The following EPB41L3 variants were observed in gnomAD, a reference collection of about 807,000 sequenced individuals.
EPB41L3 encodes the protein erythrocyte membrane protein band 4.1 like 3.
A neutral mutation model predicts 127.1 loss-of-function variants in EPB41L3; 57 were observed. That is an observed-to-expected ratio of 0.45 (90% CI 0.36 to 0.56). EPB41L3 has a LOEUF of 0.56. Among genes scored for constraint, EPB41L3 ranks in the 20% least tolerant of loss-of-function variants. The pLI, the probability that EPB41L3 is intolerant of heterozygous loss-of-function variation, is 0.00. For missense variants in EPB41L3, 1,273 were observed against 1,372.2 expected, an observed-to-expected ratio of 0.93 and a Z score of 1.14; for synonymous variants, 572 against 549.5, an observed-to-expected ratio of 1.04 and a Z score of -0.57.
intron 1 of EPB41L3, among the ~76,000 whole-genome samples, chr18:5,534,373 G>A (rs2093506601): frequency 1.3e-5 from 2 of 152,128 alleles, no homozygotes; most frequent in Non-Finnish European, 2.9e-5. Flanking sequence ...TCAAAATGTG[G>A]TCCTGGGACC....
intron 3 of EPB41L3, among the ~76,000 whole-genome samples, chr18:5,595,414 T>C (rs1290889164): frequency 6.6e-6 from 1 of 152,140 alleles, no homozygotes; most frequent in Non-Finnish European, 1.5e-5. Context: ...GAATACACTG[T>C]CTCCTGGACA....
At chr18:5,428,549 CAG>C in intron 8 of EPB41L3, 84 bp from the exon 9 acceptor site, 1 of 1,509,778 alleles carries the variant, frequency 6.6e-7, no homozygotes, top group East Asian at 2.3e-5. Context: ...GCATCCACGA[CAG>C]AAACTATAAA....
rs540857055 is a variant in EPB41L3 at position 5,557,950 on chromosome 18, T to G, written c.-306+54390A>C. Among the ~76,000 whole-genome samples the G allele has an allele frequency of 5.3e-5, 8 of 152,312 alleles. No homozygotes were observed. In the East Asian group the frequency reaches 1.2e-3, roughly 22 times the overall value. The stretch of plus-strand genomic sequence containing the variant: ...CTTTAGAATAGTTTAATGTACTAGT[T>G]TGGAAGGGACTTCAAAAAGTAGTTC... On this transcript the variant is annotated intron_variant, in intron 3 of 21. Coordinates refer to the EPB41L3 transcript ENST00000545076.
chr18:5,605,321 C>A (rs568128630), intron 3 of EPB41L3, among the ~76,000 whole-genome samples: 38 of 152,276 alleles, frequency 2.5e-4, no homozygotes, highest in African/African-American at 8.2e-4. Flanking sequence ...GACAGCCTAC[C>A]AAATTTCAAG....
chr18:5,475,582 G>A (rs916404287), intron 3 of EPB41L3, among the ~76,000 whole-genome samples: 24 of 152,188 alleles, frequency 1.6e-4, no homozygotes, highest in African/African-American at 5.8e-4. Flanking sequence ...GTTGGTTCAC[G>A]ATGAGTTTGT....
At chr18:5,403,404 C>T (rs987362906) in intron 16 of EPB41L3, among the ~76,000 whole-genome samples, 2 of 152,002 alleles carry the variant, frequency 1.3e-5, no homozygotes, top group African/African-American at 4.8e-5. Context: ...TCATTATTAG[C>T]TTGCTGTATA....
chr18:5,431,062 T>C (rs2078944057), intron 8 of EPB41L3: 1 of 152,204 alleles, frequency 6.6e-6, no homozygotes, highest in African/African-American at 2.4e-5. Context: ...CTGTGGTATA[T>C]CCTATATGGA....
At chr18:5,608,774 A>G (rs2094692542) in intron 3 of EPB41L3, among the ~76,000 whole-genome samples, 1 of 152,176 alleles carries the variant, frequency 6.6e-6, no homozygotes, top group African/African-American at 2.4e-5. Context: ...ACAGAAGAAA[A>G]CACACCATGT....
At chr18:5,561,460 T>C (rs1297222593) in intron 3 of EPB41L3, among the ~76,000 whole-genome samples, 1 of 152,016 alleles carries the variant, frequency 6.6e-6, no homozygotes, top group Non-Finnish European at 1.5e-5. Flanking sequence ...ATGAAGGTAT[T>C]GGATTATAAC....
At chr18:5,459,237 A>C (rs2147022263) in intron 3 of EPB41L3, among the ~76,000 whole-genome samples, 2 of 152,250 alleles carry the variant, frequency 1.3e-5, no homozygotes, top group Non-Finnish European at 2.9e-5. Flanking sequence ...ATTGGAGTAC[A>C]GCCTGGGCAA....
At chr18:5,608,534 T>TC (rs1224596328) in intron 3 of EPB41L3, among the ~76,000 whole-genome samples, 1 of 152,118 alleles carries the variant, frequency 6.6e-6, no homozygotes, top group Non-Finnish European at 1.5e-5. Context: ...ATGAGAGATT[T>TC]CTGAGGATTT....
At position 5,617,320 on chromosome 18, in the gene EPB41L3, A is replaced by AT. The variant is rs5822868; in HGVS notation, c.-467-2898dup. 3.3e-3 allele frequency among the ~76,000 whole-genome samples: 410 copies of AT among 125,548 alleles called. 1 individual carries two copies. The highest frequency in any genetic ancestry group is 0.021 in the South Asian group (90 of 4,258). The allele number at this position is 125,548 out of a possible 152,430, so 82.4% of individuals were successfully genotyped here. A position where few individuals can be genotyped will look rare whatever the true frequency, so the allele number is the denominator to read the frequency against. Reference sequence around the variant, plus strand: ...AGTTACAAGTCATTCTATTATTATTATTTTTTTTTTTTTTTTGAGACGGAG... The same window carrying AT: ...AGTTACAAGTCATTCTATTATTATTATTTTTTTTTTTTTTTTTGAGACGGAG... On this transcript the variant is annotated intron_variant, in intron 1 of 21. Coordinates refer to the EPB41L3 transcript ENST00000545076.
Position 5,505,066 on chromosome 18 carries a change from T to C in EPB41L3, c.-11-15872A>G, listed in dbSNP as rs185762966. Among the ~76,000 whole-genome samples, 32 of 152,264 alleles carry C rather than the reference T, an allele frequency of 2.1e-4. 1 individual carries two copies. Among genetic ancestry groups the C allele is most frequent in the African/African-American group, 7.7e-4 (32 of 41,544 alleles). Reference sequence around the variant, plus strand: ...CTGCCCCATGAAACGGTCTCCTCCATCCAGTGCAGGCATATGTATCCCTAT... The same window carrying C: ...CTGCCCCATGAAACGGTCTCCTCCACCCAGTGCAGGCATATGTATCCCTAT... On this transcript the variant is annotated intron_variant, in intron 1 of 22. Coordinates refer to ENST00000341928, the MANE Select transcript of EPB41L3 (RefSeq NM_012307.5).
upstream of EPB41L3, among the ~76,000 whole-genome samples, chr18:5,545,428 T>C (rs985170622): frequency 1.3e-5 from 2 of 152,148 alleles, no homozygotes; most frequent in African/African-American, 4.8e-5. Context: ...GTTTCTAGAA[T>C]AGGGAAGACT....
intron 4 of EPB41L3, among the ~76,000 whole-genome samples, chr18:5,444,229 G>A (rs1444149288): frequency 6.6e-6 from 1 of 152,198 alleles, no homozygotes; most frequent in Non-Finnish European, 1.5e-5. Flanking sequence ...ATATGTAACT[G>A]GATACACTGA....
At position 5,421,981 on chromosome 18, in the gene EPB41L3, T is replaced by A. The variant is rs1229190563; in HGVS notation, c.1339+1397A>T. On this transcript the variant is annotated intron_variant, in intron 11 of 22. Transcript: ENST00000341928. ...TGTATCTCAAAAGCTACTGAAATTT[T>A]AAAAAAATGTGAAAAAAGAGTAATT... Among the ~76,000 whole-genome samples the A allele has an allele frequency of 3.9e-5, 6 of 152,078 alleles. No individual in the cohort carries two copies. The East Asian group carries it at 1.2e-3, about 29-fold the overall frequency.
chr18:5,528,328 C>G (rs143421043), intron 1 of EPB41L3, among the ~76,000 whole-genome samples: 3 of 152,036 alleles, frequency 2.0e-5, no homozygotes, highest in Non-Finnish European at 4.4e-5. Flanking sequence ...CACACCACCA[C>G]GCCTGGCTAA....
intron 2 of EPB41L3, among the ~76,000 whole-genome samples, chr18:5,484,976 A>T (rs2089476041): frequency 6.6e-6 from 1 of 151,994 alleles, no homozygotes; most frequent in Non-Finnish European, 1.5e-5. Flanking sequence ...GAATACTTCC[A>T]AACTCATGCT....
Position 5,416,244 on chromosome 18 carries a change from A to G in EPB41L3, c.1641T>C (p.Ala547=). The part of the protein sequence containing the change: ...CKLPGYEPSR[A]EHLPGEPALD... Reference sequence around the variant, plus strand: ...AGGCGGGCTCTCCAGGCAGGTGCTCAGCTCTGGACGGCTCATAACCTGGCA... The same window carrying G: ...AGGCGGGCTCTCCAGGCAGGTGCTCGGCTCTGGACGGCTCATAACCTGGCA... The change falls in exon 13 of 23, where the codon GCT becomes GCC. Residue 547 remains alanine, a synonymous_variant. Coordinates refer to ENST00000341928, the MANE Select transcript of EPB41L3 (RefSeq NM_012307.5). 1 of 1,614,120 alleles carries G rather than the reference A, an allele frequency of 6.2e-7. No homozygotes were observed. Among genetic ancestry groups the G allele is most frequent in the Non-Finnish European group, 8.5e-7 (1 of 1,180,016 alleles).
Sources: allele counts gnomAD v4.1 joint callset (sites outside exome capture counted in the v4.1 genomes callset), GRCh38; gene constraint gnomAD v4.1.1; transcripts MANE v1.5; gene names NCBI Gene and HGNC (gene_info 2026-07-23, HGNC 2026-07-21).